Variants in NIN observed in about 807,000 individuals in gnomAD.
NIN encodes the protein ninein, also known as glycogen synthase kinase 3 beta-interacting protein.
A neutral mutation model predicts 257.6 loss-of-function variants in NIN; 137 were observed. The ratio of observed to expected loss-of-function variants is 0.53; its 90% CI spans 0.46 to 0.61. NIN has a LOEUF of 0.61. Ranked by LOEUF, NIN falls within the 20% of genes least tolerant of loss-of-function variation. NIN has a pLI of 0.00. For missense variants in NIN, 2,439 were observed against 2,501.2 expected (o/e 0.98, Z 0.53); for synonymous variants, 918 against 919.8 (o/e 1.00, Z 0.04).
At chr14:50,734,542 T>C (rs1222631226) in intron 28 of NIN, among the ~76,000 whole-genome samples, 1 of 152,254 alleles carries the variant, frequency 6.6e-6, no homozygotes, top group Non-Finnish European at 1.5e-5. Flanking sequence ...TTACCCAAGG[T>C]ATATCAATGA....
Position 50,770,858 on chromosome 14 carries a change from T to A in NIN, c.1253A>T (p.Asn418Ile), listed in dbSNP as rs907695704. 1.2e-6 allele frequency: 2 copies of A among 1,613,156 alleles called. No homozygotes were observed. Among genetic ancestry groups the A allele is most frequent in the African/African-American group, 2.7e-5 (2 of 74,904 alleles). The change falls in exon 11 of 31, where the codon AAC (asparagine) becomes ATC (isoleucine). Residue 418 changes from asparagine to isoleucine, a missense_variant. This residue lies in a region of NIN where 2,043 missense variants were observed against 2,050.2 expected (regional missense o/e 1.00). Coordinates refer to ENST00000530997, the MANE Select transcript of NIN (RefSeq NM_020921.4). Reference protein sequence around the residue: ...HAAIERRNEYNLRKLDEEYKE... With the variant: ...HAAIERRNEYILRKLDEEYKE... ...CTCACTCTGCTGGCCTCACCTGAGG[T>A]TGTACTCATTCCGCCGCTCTATGGC...
At chr14:50,752,771 C>G (rs776313762) in intron 20 of NIN, 38 bp from the exon 21 acceptor site, 2 of 1,175,892 alleles carry the variant, frequency 1.7e-6, no homozygotes, top group Admixed American at 5.6e-5. Context: ...AACTTGTTAC[C>G]CTACTTGTGC....
chr14:50,791,907 T>C (rs1207026098), intron 5 of NIN: 1 of 152,212 alleles, frequency 6.6e-6, no homozygotes, highest in Non-Finnish European at 1.5e-5. Flanking sequence ...CCAATTTATA[T>C]TAGTATCTGA....
chr14:50,796,296 G>A (rs1481255509), intron 4 of NIN, among the ~76,000 whole-genome samples: 2 of 152,154 alleles, frequency 1.3e-5, no homozygotes, highest in African/African-American at 4.8e-5. Context: ...AGTCCAACCT[G>A]ACCTAGTTTA....
chr14:50,746,151 A>G lies in NIN; in HGVS notation c.5065-1786T>C, dbSNP rs79650854. Among the ~76,000 whole-genome samples the G allele has an allele frequency of 8.0e-3, 1,220 of 152,236 alleles. 19 individuals are homozygous for G. The highest frequency in any genetic ancestry group is 0.027 in the African/African-American group (1,134 of 41,534). On this transcript the variant is annotated intron_variant, in intron 22 of 30. Coordinates refer to ENST00000530997, the MANE Select transcript of NIN (RefSeq NM_020921.4). ...CCAGCTTAGCAAAGCCACAAAGCAC[A>G]CATTTCCCATACTATGAATTTGAAA...
At chr14:50,795,426 A>T (rs140332242) in intron 4 of NIN, among the ~76,000 whole-genome samples, 1 of 152,336 alleles carries the variant, frequency 6.6e-6, no homozygotes, top group Non-Finnish European at 1.5e-5. Context: ...AAGCGCTGAA[A>T]ACACTATGAT....
At chr14:50,800,742 T>G (rs1353189451) in intron 4 of NIN, among the ~76,000 whole-genome samples, 1 of 151,964 alleles carries the variant, frequency 6.6e-6, no homozygotes, top group African/African-American at 2.4e-5. Flanking sequence ...GTTGTTGTAG[T>G]TGGCACTGGT....
At chr14:50,823,186 T>C (rs2142479661) in intron 2 of NIN, 1 of 563,418 alleles carries the variant, frequency 1.8e-6, no homozygotes, top group South Asian at 1.4e-5. Flanking sequence ...TGACAGTTCA[T>C]TTTTAACGTG....
intron 3 of NIN, among the ~76,000 whole-genome samples, chr14:50,818,178 C>T (rs1011902914): frequency 1.6e-4 from 24 of 151,568 alleles, no homozygotes; most frequent in African/African-American, 5.6e-4. Context: ...AAAAAATTAG[C>T]CGGGTGTGTT....
intron 22 of NIN, among the ~76,000 whole-genome samples, chr14:50,747,104 C>T (rs1474406437): frequency 6.6e-6 from 1 of 152,208 alleles, no homozygotes; most frequent in Non-Finnish European, 1.5e-5. Context: ...ATCTGCCCAC[C>T]TTGGCCTCCC....
intron 3 of NIN, among the ~76,000 whole-genome samples, chr14:50,808,451 C>T (rs2044431303): frequency 6.6e-6 from 1 of 152,222 alleles, no homozygotes; most frequent in Non-Finnish European, 1.5e-5. Flanking sequence ...GGAGGACACA[C>T]AAAGGCTTTA....
intron 2 of NIN, among the ~76,000 whole-genome samples, chr14:50,828,209 G>A (rs2045552516): frequency 6.6e-6 from 1 of 152,040 alleles, no homozygotes; most frequent in Non-Finnish European, 1.5e-5. Context: ...ACCCTGAGGT[G>A]TAAGTGAAGG....
intron 15 of NIN, among the ~76,000 whole-genome samples, chr14:50,763,191 C>G (rs2042339887): frequency 1.3e-5 from 2 of 151,952 alleles, no homozygotes; most frequent in African/African-American, 4.8e-5. Flanking sequence ...TATGAGCTGT[C>G]TCTGAAATTT....
chr14:50,792,435 G>A (rs1448178146), intron 5 of NIN: 5 of 388,044 alleles, frequency 1.3e-5, no homozygotes, highest in Non-Finnish European at 1.9e-5. Context: ...CTAGAAGTGG[G>A]AGACCTCAGA....
Position 50,720,662 on chromosome 14 carries a change from AAAAT to A in NIN, c.*2797_*2800del, listed in dbSNP as rs1447871299. The stretch of plus-strand genomic sequence containing the variant: ...ATCTGGATTTAGTAAGAGTTTTAGA[AAAAT>A]AAATAAAACACTGTGGTTCTACTTC... On this transcript the variant is annotated 3_prime_UTR_variant, in exon 31 of 31. Coordinates refer to ENST00000530997, the MANE Select transcript of NIN (RefSeq NM_020921.4). The A allele has an allele frequency of 1.5e-5, 3 of 206,776 alleles. No individual in the cohort carries two copies. Among genetic ancestry groups the A allele is most frequent in the Non-Finnish European group, 3.0e-5 (3 of 101,058 alleles). The allele number at this position is 206,776 out of a possible 1,614,324, so 12.8% of individuals were successfully genotyped here.
At chr14:50,760,784 CA>C in intron 16 of NIN, among the ~76,000 whole-genome samples, 1 of 152,176 alleles carries the variant, frequency 6.6e-6, no homozygotes, top group East Asian at 1.9e-4. Context: ...GCAATCCTCC[CA>C]CCTCAGCCTC....
rs901885934 is a variant in NIN at position 50,758,515 on chromosome 14, G to A, written c.2515C>T (p.Arg839Cys). The change falls in exon 18 of 31, where the codon CGC (arginine) becomes TGC (cysteine). Residue 839 changes from arginine (R) to cysteine (C), a missense_variant. By Grantham distance (180) the Arg-to-Cys change is radical (BLOSUM62 -3). Around this residue, in one of 3 missense-constraint regions of NIN, gnomAD observed 2,043 missense variants for 2,050.2 expected, o/e 1.00. Transcript: ENST00000530997. ...AGGTCCTTCAGCTCTTGGCGGTAGCGCCCCTCCAGGCTTTGCAGAGCGCTT... is the reference window on the plus strand; with the variant it reads ...AGGTCCTTCAGCTCTTGGCGGTAGCACCCCTCCAGGCTTTGCAGAGCGCTT... ...CESALQSLEG[R>C]YRQELKDLQE... 1.9e-5 allele frequency: 30 copies of A among 1,614,044 alleles called. No homozygotes were observed. Among genetic ancestry groups the A allele is most frequent in the East Asian group, 1.1e-4 (5 of 44,892 alleles).
chr14:50,768,759 T>C (rs964321550), intron 12 of NIN, among the ~76,000 whole-genome samples: 1 of 152,310 alleles, frequency 6.6e-6, no homozygotes, highest in Non-Finnish European at 1.5e-5. Context: ...TTGTAACGGA[T>C]ATTTAGCTAA....
intron 21 of NIN, among the ~76,000 whole-genome samples, chr14:50,749,616 T>C (rs1595762094): frequency 2.0e-5 from 3 of 152,366 alleles, no homozygotes; most frequent in Non-Finnish European, 4.4e-5. Context: ...CTTCATTTAT[T>C]AATTGGAATT....
Sources: gnomAD v4.1 joint callset for allele counts (sites outside exome capture counted in the v4.1 genomes callset) on GRCh38, gnomAD v4.1.1 for gene constraint, gnomAD v4.1.1 regional missense constraint, MANE v1.5 for transcripts, NCBI Gene and HGNC (gene_info 2026-07-23, HGNC 2026-07-21) for gene names.